KLHL1: variants seen among roughly 807,000 people sequenced by gnomAD.
KLHL1 encodes kelch-like protein 1.
A neutral mutation model predicts 77.7 loss-of-function variants in KLHL1; 47 were observed. The ratio of observed to expected loss-of-function variants is 0.60; its 90% confidence interval spans 0.48 to 0.77. The LOEUF is 0.77. Ranked by LOEUF, KLHL1 falls within the 30% of genes least tolerant of loss-of-function variation. The pLI is 0.00. For missense variants in KLHL1, 925 were observed against 910.8 expected, an observed-to-expected ratio of 1.02 and a Z score of -0.20; for synonymous variants, 360 against 325.2, an observed-to-expected ratio of 1.11 and a Z score of -1.15.
intron 1 of KLHL1, among the ~76,000 whole-genome samples, chr13:70,069,067 GAGA>G (rs1440526298): frequency 2.0e-5 from 3 of 152,140 alleles, no homozygotes; most frequent in Non-Finnish European, 4.4e-5. Context: ...CTAACCTATT[GAGA>G]TTTTATCAAA....
intron 3 of KLHL1, among the ~76,000 whole-genome samples, chr13:69,941,028 A>G (rs1052689864): frequency 6.6e-6 from 1 of 151,970 alleles, no homozygotes; most frequent in South Asian, 2.1e-4. Flanking sequence ...TACAAGTTGT[A>G]TAACTTGTAT....
chr13:70,012,047 C>T (rs1885546050), intron 1 of KLHL1, among the ~76,000 whole-genome samples: 1 of 152,018 alleles, frequency 6.6e-6, no homozygotes, highest in Non-Finnish European at 1.5e-5. Context: ...CTCATGAGAC[C>T]TATTCACTAT....
intron 3 of KLHL1, among the ~76,000 whole-genome samples, chr13:69,957,485 A>G (rs2094373139): frequency 1.3e-5 from 2 of 151,740 alleles, no homozygotes; most frequent in African/African-American, 4.8e-5. Flanking sequence ...TCCTTGATTT[A>G]CAACGAGGAT....
At chr13:70,027,649 G>GTTTTTATTTTTTT (rs1185282462) in intron 1 of KLHL1, among the ~76,000 whole-genome samples, 5 of 109,336 alleles carry the variant, frequency 4.6e-5, no homozygotes, top group African/African-American at 2.0e-4. Context: ...CAAAATGTAA[G>GTTTTTATTTTTTT]TTGTTTTTTT....
At chr13:69,955,946 A>T (rs1201350279) in intron 3 of KLHL1, among the ~76,000 whole-genome samples, 2 of 136,772 alleles carry the variant, frequency 1.5e-5, no homozygotes, top group Admixed American at 7.8e-5. Flanking sequence ...ATATATATTT[A>T]TATATATATT....
At chr13:70,051,423 G>A (rs1217731694) in intron 1 of KLHL1, among the ~76,000 whole-genome samples, 1 of 151,928 alleles carries the variant, frequency 6.6e-6, no homozygotes, top group African/African-American at 2.4e-5. Context: ...TTATTCTAGA[G>A]TTCTTTCTGC....
At chr13:69,914,846 C>A (rs9599523) in intron 4 of KLHL1, among the ~76,000 whole-genome samples, 35,750 of 151,922 alleles carry the variant, frequency 0.24, 5,106 homozygotes, top group South Asian at 0.3. Flanking sequence ...ATCAAGCTGG[C>A]AGCAAAATAG....
Position 70,020,825 on chromosome 13 carries a change from A to C in KLHL1, c.498-45023T>G, listed in dbSNP as rs1566505240. ...TATGCATACATACACATACACATATATATTCATTTTTGTATGTATTTTCTA... is the reference window on the plus strand; with the variant it reads ...TATGCATACATACACATACACATATCTATTCATTTTTGTATGTATTTTCTA... On this transcript the variant is annotated intron_variant, in intron 1 of 10. Transcript: ENST00000377844. Among the ~76,000 whole-genome samples, 3 of 152,106 alleles carry C rather than the reference A, an allele frequency of 2.0e-5. No individual in the cohort carries two copies. The South Asian group carries it at 6.2e-4, about 31-fold the overall frequency.
chr13:69,833,698 G>A (rs1593870915), intron 6 of KLHL1, among the ~76,000 whole-genome samples: 1 of 150,522 alleles, frequency 6.6e-6, no homozygotes, highest in East Asian at 2.0e-4. Context: ...GCAAAAATAT[G>A]GAACCAGCCC....
At chr13:69,984,448 C>T (rs1049476183) in intron 1 of KLHL1, among the ~76,000 whole-genome samples, 2 of 152,244 alleles carry the variant, frequency 1.3e-5, no homozygotes, top group East Asian at 1.9e-4. Flanking sequence ...GAGCAGACAA[C>T]ATGATGCCTG....
At chr13:69,801,654 A>G (rs1877387605) in intron 6 of KLHL1, among the ~76,000 whole-genome samples, 1 of 152,144 alleles carries the variant, frequency 6.6e-6, no homozygotes, top group African/African-American at 2.4e-5. Flanking sequence ...TTCATCATAT[A>G]TAGAAAATCT....
intron 5 of KLHL1, among the ~76,000 whole-genome samples, chr13:69,877,091 T>A (rs2138186779): frequency 6.6e-6 from 1 of 152,136 alleles, no homozygotes; most frequent in East Asian, 1.9e-4. Flanking sequence ...AAAGTTTATA[T>A]CTCCAACCTT....
rs561202370 is a variant in KLHL1, at chr13:69,880,327, T to C, written c.1227+1956A>G. 5.9e-5 allele frequency among the ~76,000 whole-genome samples: 9 copies of C among 152,268 alleles called. 1 individual carries two copies. The South Asian group carries it at 1.9e-3, about 32-fold the overall frequency. On this transcript the variant is annotated intron_variant, in intron 5 of 10. Coordinates refer to ENST00000377844, the MANE Select transcript of KLHL1 (RefSeq NM_020866.3). ...TAGAAGTGATAGCCCTTCTTTTATA[T>C]GAAGACATTTTATAAACAGAAAATA...
chr13:69,829,245 C>G (rs1878667203), intron 6 of KLHL1, among the ~76,000 whole-genome samples: 1 of 149,886 alleles, frequency 6.7e-6, no homozygotes, highest in Non-Finnish European at 1.5e-5. Flanking sequence ...GCTGAGAGAC[C>G]TGAAGACAGA....
intron 6 of KLHL1, among the ~76,000 whole-genome samples, chr13:69,819,618 A>C (rs1186293225): frequency 1.1e-5 from 1 of 88,448 alleles, no homozygotes; most frequent in Non-Finnish European, 2.2e-5. Flanking sequence ...GAGGTAATGC[A>C]AAAAAAAAAA....
intron 4 of KLHL1, among the ~76,000 whole-genome samples, chr13:69,896,531 G>T (rs1881646651): frequency 6.6e-6 from 1 of 152,082 alleles, no homozygotes; most frequent in African/African-American, 2.4e-5. Context: ...AATAGTGCAT[G>T]AAGCTGATGG....
At chr13:69,974,142 G>T (rs1356224460) in intron 2 of KLHL1, among the ~76,000 whole-genome samples, 2 of 151,744 alleles carry the variant, frequency 1.3e-5, no homozygotes, top group Non-Finnish European at 2.9e-5. Flanking sequence ...ACAGTGTAAA[G>T]AAAATATAAA....
chr13:69,714,603 A>T (rs1876029963), intron 9 of KLHL1, among the ~76,000 whole-genome samples: 1 of 151,652 alleles, frequency 6.6e-6, no homozygotes, highest in African/African-American at 2.4e-5. Context: ...ATTTATTTAT[A>T]TATTTTTTGA....
At chr13:69,945,313 T>A (rs983069396) in intron 3 of KLHL1, among the ~76,000 whole-genome samples, 1 of 152,020 alleles carries the variant, frequency 6.6e-6, no homozygotes, top group Non-Finnish European at 1.5e-5. Context: ...AATTAAAAAT[T>A]TATTTGATAA....
Sources: allele counts gnomAD v4.1 joint callset (sites outside exome capture counted in the v4.1 genomes callset), GRCh38; gene constraint gnomAD v4.1.1; transcripts MANE v1.5; gene names NCBI Gene and HGNC (gene_info 2026-07-23, HGNC 2026-07-21).